Variants in PDE3A observed in about 807,000 individuals in gnomAD.
The protein encoded by PDE3A is phosphodiesterase 3A.
PDE3A carries 43 observed loss-of-function variants against 98.3 expected under a neutral mutation model. The observed-to-expected ratio is 0.44, with a 90% confidence interval of 0.34 to 0.56. The LOEUF (loss-of-function observed/expected upper bound fraction) is 0.56, where lower values mean the gene tolerates loss of function less well. PDE3A is among the 20% of genes least tolerant of loss of function. PDE3A has a pLI of 0.01. For missense variants in PDE3A, 1,427 were observed against 1,440.7 expected (o/e 0.99, Z 0.15); for synonymous variants, 663 against 567.9 (o/e 1.17, Z -2.38).
Position 20,566,039 on chromosome 12 carries a change from T to C in PDE3A, c.1011+9329T>C, listed in dbSNP as rs1484132238. ...CACGTTATGTAAAATTCAGCCATCA[T>C]GTAAACATCAGTAAACCCAAAGTTA... is the stretch of plus-strand genomic sequence containing the variant. On this transcript the variant is annotated intron_variant, in intron 2 of 15. Transcript: ENST00000359062. Among the ~76,000 whole-genome samples the C allele has an allele frequency of 9.2e-5, 14 of 152,108 alleles. 1 individual carries two copies. The East Asian group carries it at 2.7e-3, about 29-fold the overall frequency.
At chr12:20,495,771 T>A (rs1945908533) in intron 1 of PDE3A, among the ~76,000 whole-genome samples, 1 of 152,206 alleles carries the variant, frequency 6.6e-6, no homozygotes, top group Non-Finnish European at 1.5e-5. Context: ...TTAAGCTTTC[T>A]GTATATGTTG....
intron 2 of PDE3A, among the ~76,000 whole-genome samples, chr12:20,576,972 T>C (rs1942947958): frequency 6.6e-6 from 1 of 151,502 alleles, no homozygotes; most frequent in South Asian, 2.1e-4. Context: ...CCAAATACAA[T>C]GAAGAGATTG....
intron 1 of PDE3A, among the ~76,000 whole-genome samples, chr12:20,532,319 G>T (rs1171049847): frequency 6.6e-6 from 1 of 151,234 alleles, no homozygotes; most frequent in Non-Finnish European, 1.5e-5. Flanking sequence ...TATATATTGT[G>T]TGGGTATTTG....
intron 1 of PDE3A, among the ~76,000 whole-genome samples, chr12:20,536,069 G>A (rs868280896): frequency 6.6e-6 from 1 of 152,114 alleles, no homozygotes; most frequent in African/African-American, 2.4e-5. Context: ...GACTCTGCAG[G>A]TGGAACTAAT....
chr12:20,619,852 T>A (rs1944091509), intron 4 of PDE3A, among the ~76,000 whole-genome samples: 1 of 151,942 alleles, frequency 6.6e-6, no homozygotes, highest in Admixed American at 6.6e-5. Context: ...AAAATCTCTC[T>A]GAAATGGAAA....
Position 20,369,224 on chromosome 12 carries a change from T to C in PDE3A, c.-61T>C. On this transcript the variant is annotated 5_prime_UTR_variant, in exon 1 of 16. Transcript: ENST00000359062. ...GTGTGTGTGTGTGCGCGCGCGCGCGTGGGTCGGGGCGGGGGCGTCGGGGGG... is the reference window on the plus strand; with the variant it reads ...GTGTGTGTGTGTGCGCGCGCGCGCGCGGGTCGGGGCGGGGGCGTCGGGGGG... The C allele has an allele frequency of 8.1e-7, 1 of 1,227,286 alleles. No homozygotes were observed. Among genetic ancestry groups the C allele is most frequent in the Non-Finnish European group, 1.1e-6 (1 of 905,194 alleles). 76.0% of individuals were successfully genotyped at this position (1,227,286 alleles called of 1,614,324 possible). A position where few individuals can be genotyped will look rare whatever the true frequency, so the allele number is the denominator to read the frequency against.
intron 1 of PDE3A, among the ~76,000 whole-genome samples, chr12:20,381,076 G>A (rs553737646): frequency 1.1e-3 from 171 of 151,768 alleles, no homozygotes; most frequent in Non-Finnish European, 2.0e-3. Context: ...CAGTAGCCTC[G>A]TTTTGTCCAC....
At chr12:20,376,102 A>G (rs1398630208) in intron 1 of PDE3A, among the ~76,000 whole-genome samples, 1 of 151,914 alleles carries the variant, frequency 6.6e-6, no homozygotes, top group African/African-American at 2.4e-5. Flanking sequence ...TTCATTTAGG[A>G]CATGTTACAC....
chr12:20,384,528 A>G (rs1943716191), intron 1 of PDE3A, among the ~76,000 whole-genome samples: 1 of 151,850 alleles, frequency 6.6e-6, no homozygotes, highest in Non-Finnish European at 1.5e-5. Context: ...AAAAATTTTA[A>G]TTTAATTTAA....
chr12:20,547,150 A>T (rs796443131), intron 1 of PDE3A, among the ~76,000 whole-genome samples: 6 of 152,148 alleles, frequency 3.9e-5, no homozygotes, highest in African/African-American at 1.4e-4. Context: ...ATTATCTGAT[A>T]AAATGTCACT....
At chr12:20,475,280 T>G (rs752619494) in intron 1 of PDE3A, among the ~76,000 whole-genome samples, 7 of 151,810 alleles carry the variant, frequency 4.6e-5, no homozygotes, top group Non-Finnish European at 2.9e-5. Context: ...ATCGGTAGCA[T>G]GTCCAAGCCT....
rs145761641 is a variant in PDE3A, at chr12:20,372,185, G to A, written c.960+1941G>A. Among the ~76,000 whole-genome samples the A allele has an allele frequency of 4.6e-3, 701 of 152,226 alleles. 7 individuals carry two copies. The highest frequency in any genetic ancestry group is 0.016 in the African/African-American group (665 of 41,552). On this transcript the variant is annotated intron_variant, in intron 1 of 15. Coordinates refer to ENST00000359062, the MANE Select transcript of PDE3A (RefSeq NM_000921.5). ...TAAATGGAGAATTTGAATTATCTAC[G>A]AAGTTATCAAAATAAGCATTGCATA...
chr12:20,477,608 A>T (rs956088868), intron 1 of PDE3A, among the ~76,000 whole-genome samples: 1 of 152,218 alleles, frequency 6.6e-6, no homozygotes, highest in Admixed American at 6.5e-5. Context: ...GATTTCTGCT[A>T]AAATCTTTTC....
intron 1 of PDE3A, among the ~76,000 whole-genome samples, chr12:20,534,366 A>G (rs1482661736): frequency 6.6e-6 from 1 of 152,136 alleles, no homozygotes; most frequent in Non-Finnish European, 1.5e-5. Context: ...AAGTCCTTCA[A>G]CCTTTGCTTG....
intron 1 of PDE3A, among the ~76,000 whole-genome samples, chr12:20,480,336 A>G (rs1945601564): frequency 6.6e-6 from 1 of 152,218 alleles, no homozygotes; most frequent in Non-Finnish European, 1.5e-5. Flanking sequence ...GCTATGTAGC[A>G]GGGGCCCTCT....
intron 3 of PDE3A, among the ~76,000 whole-genome samples, 173 bp downstream of exon 3, chr12:20,613,873 T>G (rs2061464283): frequency 6.6e-6 from 1 of 152,184 alleles, no homozygotes; most frequent in African/African-American, 2.4e-5. Flanking sequence ...ACTTCTGTCC[T>G]TATACTTGAT....
intron 5 of PDE3A, among the ~76,000 whole-genome samples, chr12:20,622,311 T>A (rs1592121582): frequency 6.6e-6 from 1 of 152,168 alleles, no homozygotes; most frequent in East Asian, 1.9e-4. Flanking sequence ...CACTTCTTAC[T>A]CCATGCCAAT....
intron 15 of PDE3A, among the ~76,000 whole-genome samples, chr12:20,678,257 C>A (rs1404027768): frequency 6.6e-6 from 1 of 152,160 alleles, no homozygotes; most frequent in Non-Finnish European, 1.5e-5. Context: ...ATAGATGATG[C>A]TAGCTGAGCA....
Position 20,688,267 on chromosome 12 carries a change from A to G in PDE3A, c.*7996A>G, listed in dbSNP as rs1009806778. ...CTTTCACCTATATCTTCCATTTAATATATGTAGCAATACTTAGTATCATCC... is the reference window on the plus strand; with the variant it reads ...CTTTCACCTATATCTTCCATTTAATGTATGTAGCAATACTTAGTATCATCC... On this transcript the variant is annotated 3_prime_UTR_variant, in exon 16 of 16. Coordinates refer to ENST00000359062, the MANE Select transcript of PDE3A (RefSeq NM_000921.5). Among the ~76,000 whole-genome samples, 1 of 151,982 alleles carries G rather than the reference A, an allele frequency of 6.6e-6. No homozygotes were observed. The highest frequency in any genetic ancestry group is 2.4e-5 in the African/African-American group (1 of 41,414).
Sources: allele counts gnomAD v4.1 joint callset (sites outside exome capture counted in the v4.1 genomes callset), GRCh38; gene constraint gnomAD v4.1.1; transcripts MANE v1.5; gene names NCBI Gene and HGNC (gene_info 2026-07-23, HGNC 2026-07-21).